PDLIM1: variants seen among roughly 807,000 people sequenced by gnomAD.
PDLIM1 encodes the protein PDZ and LIM domain protein 1.
A neutral mutation model predicts 35.2 loss-of-function variants in PDLIM1; 25 were observed. The observed-to-expected ratio is 0.71, with a 90% CI of 0.52 to 0.99. PDLIM1 has a LOEUF of 0.99. PDLIM1 is among the 50% of genes least tolerant of loss of function. PDLIM1 has a pLI of 0.00. For missense variants in PDLIM1, 363 were observed against 415.3 expected, an observed-to-expected ratio of 0.87 and a Z score of 1.09; for synonymous variants, 152 against 154.0, an observed-to-expected ratio of 0.99 and a Z score of 0.10.
rs1014756294 is a variant in PDLIM1, at chr10:95,268,820, C to A, written c.291G>T (p.Gly97=). The A allele has an allele frequency of 3.1e-6, 5 of 1,613,510 alleles. No individual in the cohort carries two copies. The highest frequency in any genetic ancestry group is 1.3e-5 in the African/African-American group (1 of 74,920). Residue 97 remains glycine, a synonymous_variant, in exon 3 of 7, where the codon GGG becomes GGT. Transcript: ENST00000329399. ...KVWSPLVTEE[G]KRHPYKMNLA... ...AATTCATCTTGTATGGATGACGCTT[C>A]CCTTCCTCCGTCACCAGAGGAGACC...
chr10:95,257,633 A>T (rs1372317418), intron 4 of PDLIM1, among the ~76,000 whole-genome samples: 3 of 152,228 alleles, frequency 2.0e-5, no homozygotes, highest in Non-Finnish European at 4.4e-5. Context: ...GATGGCCACT[A>T]TCAAAAAGAC....
At chr10:95,238,749 C>T (rs2035148766) in intron 5 of PDLIM1, 64 bp from the exon 6 acceptor site, 1 of 986,286 alleles carries the variant, frequency 1.0e-6, no homozygotes, top group South Asian at 1.3e-5. Flanking sequence ...TCACTCAGCT[C>T]TTCAGAACCA....
intron 1 of PDLIM1, among the ~76,000 whole-genome samples, chr10:95,279,047 T>C (rs2133439262): frequency 6.6e-6 from 1 of 152,336 alleles, no homozygotes; most frequent in South Asian, 2.1e-4. Context: ...GTTTTTTTTC[T>C]TACATTTAAA....
intron 1 of PDLIM1, among the ~76,000 whole-genome samples, chr10:95,284,844 T>G (rs114895797): frequency 0.012 from 1,805 of 152,308 alleles, 28 homozygotes; most frequent in African/African-American, 0.041. Flanking sequence ...AAGGAGACAG[T>G]GTATTACACA....
intron 1 of PDLIM1, among the ~76,000 whole-genome samples, chr10:95,276,950 C>T (rs938872839): frequency 6.9e-6 from 1 of 144,280 alleles, no homozygotes; most frequent in African/African-American, 2.5e-5. Flanking sequence ...TGGTGGCTTA[C>T]GCCTGTAATC....
Position 95,290,884 on chromosome 10 carries a change from G to T in PDLIM1, c.32C>A (p.Pro11Gln). The T allele has an allele frequency of 6.4e-7, 1 of 1,563,222 alleles. No individual in the cohort carries two copies. Among genetic ancestry groups the T allele is most frequent in the Non-Finnish European group, 8.7e-7 (1 of 1,154,482 alleles). The change falls in exon 1 of 7, where the codon CCG (proline) becomes CAG (glutamine). Residue 11 changes from proline (P) to glutamine (Q), a missense_variant. Coordinates refer to ENST00000329399, the MANE Select transcript of PDLIM1 (RefSeq NM_020992.4). This position sits in a 1 kb window ranked among gnomAD's most constrained non-coding sequence, Gnocchi z 4.7. MTTQQIDLQG[P>Q]GPWGFRLVGG... ...CACGAGGCGGAAGCCCCACGGCCCC[G>T]GGCCCTGGAGGTCTATCTGCTGGGT...
chr10:95,259,971 A>G (rs1371361875), intron 4 of PDLIM1, among the ~76,000 whole-genome samples: 1 of 152,240 alleles, frequency 6.6e-6, no homozygotes, highest in Admixed American at 6.5e-5. Flanking sequence ...AAAGAAGTGT[A>G]CCATAAGCCA....
chr10:95,237,974 C>T lies in PDLIM1; in HGVS notation c.941G>A (p.Arg314Gln), dbSNP rs752319886. 11 of 1,614,062 alleles carry T rather than the reference C, an allele frequency of 6.8e-6. No individual in the cohort carries two copies. Among genetic ancestry groups the T allele is most frequent in the African/African-American group, 4.0e-5 (3 of 74,926 alleles). Residue 314 changes from arginine (R) to glutamine (Q), a missense_variant, in exon 7 of 7, where the codon CGA becomes CAA. By Grantham distance (43) the Arg-to-Gln change is conservative. Transcript: ENST00000329399. ...TTCATAACCCTCAGGTGGTGTGACT[C>T]GCTCCCGGGCATGCTTCTCACAGTA... ...QIYCEKHARERVTPPEGYEVV... is the reference protein window; with the variant it reads ...QIYCEKHAREQVTPPEGYEVV...
intron 2 of PDLIM1, among the ~76,000 whole-genome samples, chr10:95,270,120 T>A (rs2035451157): frequency 6.6e-6 from 1 of 152,000 alleles, no homozygotes; most frequent in Non-Finnish European, 1.5e-5. Flanking sequence ...AAATAAAAAA[T>A]CAATTAATCA....
At chr10:95,274,397 G>A (rs1454134398) in intron 1 of PDLIM1, among the ~76,000 whole-genome samples, 4 of 151,200 alleles carry the variant, frequency 2.6e-5, no homozygotes, top group Admixed American at 2.0e-4. Context: ...GGGTTCAAGC[G>A]ATTCTCCTGT....
rs1269690467 is a variant in PDLIM1 at position 95,290,694 on chromosome 10, A to C, written c.96+126T>G. ...CCGGGCGCGCGGAGAGCGCTCAACT[A>C]ACAGCGCACCTGGACGCGCCCGGCT... On this transcript the variant is annotated intron_variant, in intron 1 of 6. Coordinates refer to ENST00000329399, the MANE Select transcript of PDLIM1 (RefSeq NM_020992.4). This position sits in a 1 kb window ranked among gnomAD's most constrained non-coding sequence, Gnocchi z 4.7. 4.2e-6 allele frequency: 2 copies of C among 477,596 alleles called. No homozygotes were observed. The highest frequency in any genetic ancestry group is 7.1e-6 in the Non-Finnish European group (2 of 281,838). 29.6% of individuals were successfully genotyped at this position (477,596 alleles called of 1,614,324 possible). A position where few individuals can be genotyped will look rare whatever the true frequency, so the allele number is the denominator to read the frequency against.
At chr10:95,256,601 A>G (rs547165878) in intron 4 of PDLIM1, among the ~76,000 whole-genome samples, 1 of 152,196 alleles carries the variant, frequency 6.6e-6, no homozygotes, top group East Asian at 1.9e-4. Context: ...TTAAAGAATA[A>G]TTTCTTCAAT....
chr10:95,250,910 A>G (rs1019997653), intron 4 of PDLIM1, among the ~76,000 whole-genome samples: 4 of 152,198 alleles, frequency 2.6e-5, no homozygotes, highest in Non-Finnish European at 5.9e-5. Flanking sequence ...CCCCAGGGTT[A>G]TTCTAGCCAA....
At chr10:95,259,825 A>G (rs1375454227) in intron 4 of PDLIM1, among the ~76,000 whole-genome samples, 2 of 152,236 alleles carry the variant, frequency 1.3e-5, no homozygotes, top group African/African-American at 4.8e-5. Context: ...ACACCTTACA[A>G]CACAATTTGG....
chr10:95,255,507 C>T (rs962331511), intron 4 of PDLIM1, among the ~76,000 whole-genome samples: 14 of 152,076 alleles, frequency 9.2e-5, no homozygotes, highest in African/African-American at 3.4e-4. Flanking sequence ...CAGTGTAACA[C>T]ATCACATTAA....
At chr10:95,244,354 G>C (rs1269646127) in intron 5 of PDLIM1, among the ~76,000 whole-genome samples, 2 of 152,182 alleles carry the variant, frequency 1.3e-5, no homozygotes, top group Non-Finnish European at 2.9e-5. Context: ...TACAGACGTG[G>C]CTTTACTTAA....
intron 4 of PDLIM1, among the ~76,000 whole-genome samples, chr10:95,251,896 C>G (rs943351571): frequency 2.6e-5 from 4 of 152,206 alleles, no homozygotes; most frequent in African/African-American, 9.7e-5. Context: ...TTCTTGTTTC[C>G]TTGGACATCC....
At chr10:95,238,875 T>C (rs1265616222) in intron 5 of PDLIM1, 190 bp from the exon 6 acceptor site, 3 of 514,620 alleles carry the variant, frequency 5.8e-6, no homozygotes, top group South Asian at 5.9e-5. Context: ...AAATAGGAGA[T>C]TAACACCTGG....
At chr10:95,287,894 TA>T (rs889490225) in intron 1 of PDLIM1, among the ~76,000 whole-genome samples, 2 of 148,888 alleles carry the variant, frequency 1.3e-5, no homozygotes, top group African/African-American at 2.5e-5. Flanking sequence ...ATGAAAACAT[TA>T]AGGAGCTAAA....
Sources: gnomAD v4.1 joint callset for allele counts (sites outside exome capture counted in the v4.1 genomes callset) on GRCh38, gnomAD v4.1.1 for gene constraint, Gnocchi (gnomAD v3.1) non-coding constraint, MANE v1.5 for transcripts, NCBI Gene and HGNC (gene_info 2026-07-23, HGNC 2026-07-21) for gene names.